The following CAMKMT variants were observed in gnomAD, a reference collection of about 807,000 sequenced individuals.
CAMKMT encodes the protein calmodulin-lysine N-methyltransferase.
A neutral mutation model predicts 48.0 loss-of-function variants in CAMKMT; 53 were observed. That is an observed-to-expected ratio of 1.10 (90% CI 0.89 to 1.39). The LOEUF (loss-of-function observed/expected upper bound fraction) is 1.39. Ranked by LOEUF, CAMKMT falls within the 40% of genes most tolerant of loss-of-function variation. The probability of loss-of-function intolerance (pLI) is 0.00; values close to 1 mark genes in which losing one functional copy is unlikely to be tolerated. For synonymous variants in CAMKMT, 165 were observed against 152.3 expected (o/e 1.08, Z -0.61); for missense variants, 428 against 402.7 (o/e 1.06, Z -0.54).
At chr2:44,628,479 G>T (rs750528495) in intron 3 of CAMKMT, among the ~76,000 whole-genome samples, 8 of 151,230 alleles carry the variant, frequency 5.3e-5, no homozygotes, top group Non-Finnish European at 8.8e-5. Flanking sequence ...ATTATTTGGG[G>T]CTTAACGTAA....
chr2:44,601,226 A>T (rs770924046), intron 3 of CAMKMT, among the ~76,000 whole-genome samples: 3 of 151,984 alleles, frequency 2.0e-5, no homozygotes, highest in Non-Finnish European at 4.4e-5. Context: ...GGAGGCCAAG[A>T]TGGGCAGATC....
At chr2:44,745,911 G>C (rs1445456467) in intron 8 of CAMKMT, among the ~76,000 whole-genome samples, 1 of 152,234 alleles carries the variant, frequency 6.6e-6, no homozygotes, top group Non-Finnish European at 1.5e-5. Flanking sequence ...TGTTGGTGTG[G>C]TGTTTCTCTG....
intron 3 of CAMKMT, among the ~76,000 whole-genome samples, chr2:44,670,641 T>TCAGTGACAGG (rs1036831476): frequency 2.4e-4 from 36 of 152,080 alleles, no homozygotes; most frequent in African/African-American, 8.7e-4. Flanking sequence ...GCAGCCTGGG[T>TCAGTGACAGG]GTCAGTGAGA....
At chr2:44,371,555 T>C (rs1466209806) in intron 1 of CAMKMT, among the ~76,000 whole-genome samples, 4 of 152,210 alleles carry the variant, frequency 2.6e-5, no homozygotes, top group African/African-American at 9.7e-5. Context: ...TTATTTTATA[T>C]CTAAGATTTT....
chr2:44,763,466 T>C (rs1680702009), intron 9 of CAMKMT, among the ~76,000 whole-genome samples: 1 of 152,250 alleles, frequency 6.6e-6, no homozygotes, highest in South Asian at 2.1e-4. Flanking sequence ...TCATCAAATA[T>C]TGACTGAGTG....
At position 44,599,365 on chromosome 2, in the gene CAMKMT, A is replaced by G. The variant is rs185832384; in HGVS notation, c.377-104918A>G. 9.1e-4 allele frequency among the ~76,000 whole-genome samples: 138 copies of G among 152,238 alleles called. 1 individual carries two copies. The highest frequency in any genetic ancestry group is 3.1e-3 in the African/African-American group (130 of 41,508). ...TATTGTACAATATTTTCTTCTGACCATCTGGCAGTTCTTAGGAACCAACCT... is the reference window on the plus strand; with the variant it reads ...TATTGTACAATATTTTCTTCTGACCGTCTGGCAGTTCTTAGGAACCAACCT... On this transcript the variant is annotated intron_variant, in intron 3 of 10. Transcript: ENST00000378494.
intron 3 of CAMKMT, among the ~76,000 whole-genome samples, chr2:44,687,986 C>A (rs1395141287): frequency 6.6e-6 from 1 of 152,188 alleles, no homozygotes; most frequent in East Asian, 1.9e-4. Flanking sequence ...CTTTTCACAA[C>A]TGGTAATCAT....
intron 3 of CAMKMT, among the ~76,000 whole-genome samples, chr2:44,587,780 C>G (rs1669955601): frequency 7.2e-6 from 1 of 139,066 alleles, no homozygotes. Flanking sequence ...TCACTCAGTG[C>G]TCAATGGTGC....
intron 3 of CAMKMT, among the ~76,000 whole-genome samples, chr2:44,561,770 T>G (rs1404487412): frequency 6.6e-6 from 1 of 152,208 alleles, no homozygotes; most frequent in Non-Finnish European, 1.5e-5. Context: ...CTGGTCACAT[T>G]GGATCCCCTC....
chr2:44,693,125 C>A (rs1218027152), intron 3 of CAMKMT, among the ~76,000 whole-genome samples: 2 of 152,196 alleles, frequency 1.3e-5, no homozygotes, highest in Non-Finnish European at 2.9e-5. Context: ...ACCCAAGCCA[C>A]CACCAGCTCT....
intron 3 of CAMKMT, among the ~76,000 whole-genome samples, chr2:44,602,195 G>A (rs1343415305): frequency 6.6e-6 from 1 of 151,780 alleles, no homozygotes; most frequent in Non-Finnish European, 1.5e-5. Flanking sequence ...TTGTAGAGAT[G>A]GGGTTTCACC....
chr2:44,717,709 A>G (rs890546068), intron 7 of CAMKMT, among the ~76,000 whole-genome samples: 14 of 152,212 alleles, frequency 9.2e-5, no homozygotes, highest in African/African-American at 2.9e-4. Context: ...TATTTCTGCT[A>G]TTAAATAGCA....
rs531687112 is a variant in CAMKMT, at chr2:44,495,312, T to A, written c.376+105007T>A. 1.3e-4 allele frequency among the ~76,000 whole-genome samples: 20 copies of A among 152,126 alleles called. 1 individual carries two copies. In the South Asian group the frequency reaches 2.3e-3, roughly 17 times the overall value. ...CATGCCACCTGCCCAGCTAATTTTT[T>A]AAATTTTTTTGGTAGCGGTCAGGAT... is the stretch of plus-strand genomic sequence containing the variant. On this transcript the variant is annotated intron_variant, in intron 3 of 10. Coordinates refer to ENST00000378494, the MANE Select transcript of CAMKMT (RefSeq NM_024766.5).
At chr2:44,478,641 G>A (rs1668809748) in intron 3 of CAMKMT, among the ~76,000 whole-genome samples, 2 of 151,800 alleles carry the variant, frequency 1.3e-5, no homozygotes, top group Admixed American at 6.6e-5. Context: ...AAACCAAAGG[G>A]AAGGTGTCAT....
At chr2:44,583,953 T>G (rs907069708) in intron 3 of CAMKMT, among the ~76,000 whole-genome samples, 3 of 152,188 alleles carry the variant, frequency 2.0e-5, no homozygotes, top group Non-Finnish European at 4.4e-5. Flanking sequence ...TATAAGCATA[T>G]ACATATATAA....
intron 3 of CAMKMT, among the ~76,000 whole-genome samples, chr2:44,484,249 G>A (rs930793859): frequency 1.3e-5 from 2 of 151,642 alleles, no homozygotes; most frequent in African/African-American, 2.4e-5. Context: ...ATATGAAAAT[G>A]TAAAGAACCA....
chr2:44,705,636 T>A (rs1677511043), intron 4 of CAMKMT: 1 of 630,774 alleles, frequency 1.6e-6, no homozygotes, highest in Admixed American at 6.3e-5. Flanking sequence ...TAGCCTGGGT[T>A]TGCTGGCTTA....
At chr2:44,506,434 T>C (rs1670265418) in intron 3 of CAMKMT, among the ~76,000 whole-genome samples, 1 of 152,224 alleles carries the variant, frequency 6.6e-6, no homozygotes, top group South Asian at 2.1e-4. Flanking sequence ...CATTTAAATA[T>C]GTGAGTTATT....
chr2:44,507,028 A>ATATTATTT (rs1670295637), intron 3 of CAMKMT, among the ~76,000 whole-genome samples: 1 of 152,064 alleles, frequency 6.6e-6, no homozygotes, highest in Non-Finnish European at 1.5e-5. Context: ...CTTATCTTCA[A>ATATTATTT]TATTATTTAC....
Sources: gnomAD v4.1 joint callset for allele counts (sites outside exome capture counted in the v4.1 genomes callset) on GRCh38, gnomAD v4.1.1 for gene constraint, MANE v1.5 for transcripts, NCBI Gene and HGNC (gene_info 2026-07-23, HGNC 2026-07-21) for gene names.